KIAA1217: variants seen among roughly 807,000 people sequenced by gnomAD.
KIAA1217 encodes KIAA1217.
In KIAA1217, 88 loss-of-function variants were observed where a neutral mutation model predicts 163.9. The observed-to-expected ratio is 0.54, with a 90% CI of 0.45 to 0.64. The LOEUF is 0.64. Ranked by LOEUF, KIAA1217 falls within the 30% of genes least tolerant of loss-of-function variation. The pLI is 0.00. For missense variants in KIAA1217, 2,372 were observed against 2,475.0 expected, an observed-to-expected ratio of 0.96 and a Z score of 0.88; for synonymous variants, 903 against 923.1, an observed-to-expected ratio of 0.98 and a Z score of 0.39.
chr10:24,007,040 C>A (rs1353916368), intron 1 of KIAA1217, among the ~76,000 whole-genome samples: 1 of 152,230 alleles, frequency 6.6e-6, no homozygotes, highest in South Asian at 2.1e-4. Context: ...TTAACTTGAA[C>A]TCTAACTTTG....
At chr10:23,933,978 A>G (rs1843365515) in intron 1 of KIAA1217, among the ~76,000 whole-genome samples, 3 of 152,182 alleles carry the variant, frequency 2.0e-5, no homozygotes, top group Non-Finnish European at 4.4e-5. Context: ...AAGACAGTAT[A>G]GTGATTCTTC....
chr10:24,344,888 T>G (rs1354285158), intron 2 of KIAA1217, among the ~76,000 whole-genome samples: 2 of 152,218 alleles, frequency 1.3e-5, no homozygotes, highest in African/African-American at 4.8e-5. Flanking sequence ...AATTAAGAAC[T>G]GTTCTTATCT....
chr10:24,184,380 T>C lies in KIAA1217; in HGVS notation c.-170-35246T>C, dbSNP rs909426055. 3.3e-5 allele frequency among the ~76,000 whole-genome samples: 5 copies of C among 152,220 alleles called. 1 individual carries two copies. Among genetic ancestry groups the C allele is most frequent in the Admixed American group, 2.6e-4 (4 of 15,288 alleles). On this transcript the variant is annotated intron_variant, in intron 2 of 18. Coordinates refer to the KIAA1217 transcript ENST00000376462. Reference sequence around the variant, plus strand: ...ACCTTAATCTGCTTTTAAGAACAGCTGTTGCAACAGATGTTCATTTTAGAT... The same window carrying C: ...ACCTTAATCTGCTTTTAAGAACAGCCGTTGCAACAGATGTTCATTTTAGAT...
intron 2 of KIAA1217, among the ~76,000 whole-genome samples, chr10:24,304,284 A>ATCTTATG (rs1349881887): frequency 2.0e-5 from 3 of 148,078 alleles, no homozygotes; most frequent in Non-Finnish European, 4.5e-5. Context: ...AACCAACTAT[A>ATCTTATG]TCTTATGTTT....
At chr10:24,317,865 A>G (rs1044977219) in intron 2 of KIAA1217, among the ~76,000 whole-genome samples, 3 of 152,214 alleles carry the variant, frequency 2.0e-5, no homozygotes, top group African/African-American at 7.2e-5. Context: ...AATCACATCA[A>G]TTCAAAAGAA....
chr10:24,403,180 A>G (rs892983029), intron 3 of KIAA1217, among the ~76,000 whole-genome samples: 3 of 152,212 alleles, frequency 2.0e-5, no homozygotes, highest in Non-Finnish European at 4.4e-5. Context: ...CAGCAGAAAC[A>G]TGTTCCATAA....
rs535258744 is a variant in KIAA1217, at chr10:23,805,631, A to C, written c.-321+110397A>C. 3.9e-5 allele frequency among the ~76,000 whole-genome samples: 6 copies of C among 152,274 alleles called. No homozygotes were observed. The South Asian group carries it at 1.2e-3, about 32-fold the overall frequency. On this transcript the variant is annotated intron_variant, in intron 1 of 18. Coordinates refer to the KIAA1217 transcript ENST00000376462. Reference sequence around the variant, plus strand: ...TGTACAAATGAACCCCCATGACACAAGTTTGCCTATGTAACAAACCTTAAC... The same window carrying C: ...TGTACAAATGAACCCCCATGACACACGTTTGCCTATGTAACAAACCTTAAC...
chr10:24,269,088 T>C (rs11014000), intron 2 of KIAA1217, among the ~76,000 whole-genome samples: 41,699 of 131,364 alleles, frequency 0.32, 6,407 homozygotes, highest in African/African-American at 0.34. Flanking sequence ...AAGGATAGCA[T>C]TGGGAGATAT....
chr10:24,037,400 G>A (rs1188060541), intron 2 of KIAA1217, among the ~76,000 whole-genome samples: 1 of 152,228 alleles, frequency 6.6e-6, no homozygotes, highest in East Asian at 1.9e-4. Flanking sequence ...TGAGGCATGA[G>A]AATCACTTGA....
intron 2 of KIAA1217, among the ~76,000 whole-genome samples, chr10:24,292,832 G>GT (rs2079224036): frequency 6.6e-6 from 1 of 151,982 alleles, no homozygotes; most frequent in East Asian, 1.9e-4. Flanking sequence ...GTTCTTCATG[G>GT]TGAGTGGAGA....
At chr10:24,380,791 T>C in intron 2 of KIAA1217, 78 bp from the exon 3 acceptor site, 2 of 1,116,724 alleles carry the variant, frequency 1.8e-6, no homozygotes, top group East Asian at 2.6e-5. Context: ...TCCAGATTAA[T>C]AGAAATGGCA....
At chr10:24,391,585 TC>T (rs1305309557) in intron 3 of KIAA1217, among the ~76,000 whole-genome samples, 3 of 152,144 alleles carry the variant, frequency 2.0e-5, no homozygotes, top group African/African-American at 7.2e-5. Flanking sequence ...CCTCAGGTGA[TC>T]CACCCACCTC....
chr10:24,152,449 G>T (rs920621875), intron 2 of KIAA1217, among the ~76,000 whole-genome samples: 1 of 152,112 alleles, frequency 6.6e-6, no homozygotes, highest in Non-Finnish European at 1.5e-5. Flanking sequence ...TATTTGTCAT[G>T]TGTCCAAACT....
At chr10:23,825,423 T>C (rs757586793) in intron 1 of KIAA1217, among the ~76,000 whole-genome samples, 1 of 152,252 alleles carries the variant, frequency 6.6e-6, no homozygotes, top group Non-Finnish European at 1.5e-5. Context: ...CTTGTTTGCA[T>C]GCTAATTAAT....
chr10:24,009,067 C>T (rs1188143988), intron 2 of KIAA1217, among the ~76,000 whole-genome samples: 1 of 152,198 alleles, frequency 6.6e-6, no homozygotes, highest in Non-Finnish European at 1.5e-5. Flanking sequence ...ACTAATCATT[C>T]TCTCTTGTGA....
chr10:24,456,975 T>C (rs913528950), intron 5 of KIAA1217, among the ~76,000 whole-genome samples: 2 of 152,048 alleles, frequency 1.3e-5, no homozygotes, highest in East Asian at 3.9e-4. Flanking sequence ...GTGCTGGGAT[T>C]ACAGGTGTGA....
upstream of KIAA1217, among the ~76,000 whole-genome samples, chr10:24,206,435 A>G (rs930271614): frequency 2.0e-5 from 3 of 152,238 alleles, no homozygotes; most frequent in African/African-American, 7.2e-5. Flanking sequence ...TACCAGGTTT[A>G]TATAGATTGC....
intron 1 of KIAA1217, among the ~76,000 whole-genome samples, chr10:23,830,665 CATAGGTAGGTAGGTAG>C (rs1838139792): frequency 7.9e-6 from 1 of 126,620 alleles, no homozygotes; most frequent in African/African-American, 3.4e-5. Context: ...AATGAGAAAT[CATAGGTAGGTAGGTAG>C]GTAGGTAGGT....
chr10:24,359,149 G>A (rs1055560873), intron 2 of KIAA1217, among the ~76,000 whole-genome samples: 1 of 146,778 alleles, frequency 6.8e-6, no homozygotes, highest in African/African-American at 2.5e-5. Context: ...GAGTGCAGTG[G>A]TGCTATCTTG....
Sources: allele counts gnomAD v4.1 joint callset (sites outside exome capture counted in the v4.1 genomes callset), GRCh38; gene constraint gnomAD v4.1.1; transcripts MANE v1.5; gene names NCBI Gene and HGNC (gene_info 2026-07-23, HGNC 2026-07-21).